The following UNC5D variants were observed in gnomAD, a reference collection of about 807,000 sequenced individuals.
The protein encoded by UNC5D is netrin receptor UNC5D.
Under a neutral mutation model 105.4 loss-of-function variants are expected in UNC5D, and 39 were observed. The observed-to-expected ratio is 0.37, with a 90% CI of 0.29 to 0.48. The LOEUF (loss-of-function observed/expected upper bound fraction) is 0.48, where lower values mean the gene tolerates loss of function less well. Among genes scored for constraint, UNC5D ranks in the 20% least tolerant of loss-of-function variants. UNC5D has a pLI of 0.98. For missense variants in UNC5D, 991 were observed against 1,202.4 expected (o/e 0.82, Z 2.60); for synonymous variants, 452 against 450.4 (o/e 1.00, Z -0.04).
At chr8:35,388,936 G>T (rs1045168991) in intron 1 of UNC5D, among the ~76,000 whole-genome samples, 16 of 152,154 alleles carry the variant, frequency 1.1e-4, no homozygotes, top group African/African-American at 3.9e-4. Flanking sequence ...AAAGCCTAAG[G>T]TTTCCTAGTG....
intron 1 of UNC5D, among the ~76,000 whole-genome samples, chr8:35,510,709 C>T (rs1049465463): frequency 5.9e-5 from 9 of 152,050 alleles, no homozygotes; most frequent in African/African-American, 1.7e-4. Flanking sequence ...TCTATAAGTT[C>T]GAGTCAATCC....
chr8:35,704,257 A>G (rs1827391410), intron 7 of UNC5D, among the ~76,000 whole-genome samples: 1 of 152,146 alleles, frequency 6.6e-6, no homozygotes, highest in Non-Finnish European at 1.5e-5. Context: ...TCCACAACAA[A>G]TCAGATGGCA....
chr8:35,598,155 A>G (rs1046450509), intron 4 of UNC5D, among the ~76,000 whole-genome samples: 9 of 152,238 alleles, frequency 5.9e-5, no homozygotes, highest in African/African-American at 1.4e-4. Flanking sequence ...AAATGTTGCA[A>G]ATATTTGCTT....
intron 4 of UNC5D, among the ~76,000 whole-genome samples, chr8:35,613,683 T>C (rs889094176): frequency 9.2e-5 from 14 of 152,030 alleles, no homozygotes; most frequent in African/African-American, 3.1e-4. Context: ...ACCCCATCTG[T>C]ACTAAAAATA....
chr8:35,719,870 T>C (rs918895690), intron 8 of UNC5D, among the ~76,000 whole-genome samples: 2 of 152,202 alleles, frequency 1.3e-5, no homozygotes, highest in African/African-American at 4.8e-5. Flanking sequence ...ACTGGCTTTC[T>C]TTCCCTACCC....
At chr8:35,593,046 T>TACACACACAC (rs200962371) in intron 3 of UNC5D, among the ~76,000 whole-genome samples, 138 of 141,224 alleles carry the variant, frequency 9.8e-4, no homozygotes, top group African/African-American at 2.7e-3. Flanking sequence ...GTAGTTTTTA[T>TACACACACAC]ACACACACAC....
chr8:35,235,866 G>A lies in UNC5D; in HGVS notation c.82G>A (p.Ala28Thr). Residue 28 changes from alanine (A) to threonine (T), a missense_variant, in exon 1 of 17, where the codon GCA becomes ACA. Physicochemically the swap from Ala to Thr is moderately conservative, Grantham distance 58. Coordinates refer to ENST00000404895, the MANE Select transcript of UNC5D (RefSeq NM_080872.4). ...GTGGCTGGGGCTGTGCTTCTGGGCG[G>A]CAGGGACCGCGGCTGCCCGAGGTAA... Reference protein sequence around the residue: ...LPWLGLCFWAAGTAAARGTDN... With the variant: ...LPWLGLCFWATGTAAARGTDN... 1 of 1,229,750 alleles carries A rather than the reference G, an allele frequency of 8.1e-7. No individual in the cohort carries two copies. 76.2% of individuals were successfully genotyped at this position (1,229,750 alleles called of 1,614,324 possible).
chr8:35,330,955 T>C (rs965555665), intron 1 of UNC5D, among the ~76,000 whole-genome samples: 6 of 152,216 alleles, frequency 3.9e-5, no homozygotes, highest in Admixed American at 2.0e-4. Flanking sequence ...TGCAGCCTCA[T>C]TTCCTTTCTT....
intron 2 of UNC5D, among the ~76,000 whole-genome samples, chr8:35,562,817 C>A (rs1475056231): frequency 3.0e-4 from 46 of 151,878 alleles, no homozygotes; most frequent in Non-Finnish European, 2.9e-5. Flanking sequence ...TTGATGTAAT[C>A]CTATTTGTCT....
intron 1 of UNC5D, among the ~76,000 whole-genome samples, chr8:35,251,081 C>T (rs200566953): frequency 5.3e-5 from 8 of 152,152 alleles, no homozygotes; most frequent in African/African-American, 9.6e-5. Context: ...TGAAGATGAC[C>T]GCCAATGGTT....
At chr8:35,258,007 A>T (rs1408089456) in intron 1 of UNC5D, among the ~76,000 whole-genome samples, 1 of 152,206 alleles carries the variant, frequency 6.6e-6, no homozygotes, top group Non-Finnish European at 1.5e-5. Context: ...CTATAACAAA[A>T]TGCCTTAGAC....
At chr8:35,311,929 A>G (rs1304215551) in intron 1 of UNC5D, among the ~76,000 whole-genome samples, 1 of 152,140 alleles carries the variant, frequency 6.6e-6, no homozygotes, top group African/African-American at 2.4e-5. Flanking sequence ...TTGGCATAAT[A>G]TATTTCCATC....
chr8:35,775,929 A>T (rs1199669088), intron 16 of UNC5D, among the ~76,000 whole-genome samples: 1 of 152,234 alleles, frequency 6.6e-6, no homozygotes, highest in African/African-American at 2.4e-5. Flanking sequence ...CATATATTGA[A>T]AATGAAAGAA....
intron 3 of UNC5D, among the ~76,000 whole-genome samples, chr8:35,582,103 A>C (rs901189753): frequency 6.6e-6 from 1 of 152,180 alleles, no homozygotes; most frequent in Admixed American, 6.5e-5. Flanking sequence ...TGCTATTCCT[A>C]TGGTTGAACA....
At chr8:35,328,017 A>G (rs1448758335) in intron 1 of UNC5D, among the ~76,000 whole-genome samples, 1 of 152,150 alleles carries the variant, frequency 6.6e-6, no homozygotes. Context: ...TTTCGTGGAC[A>G]TTTCCACTAT....
chr8:35,266,157 C>T (rs144309183), intron 1 of UNC5D, among the ~76,000 whole-genome samples: 1 of 152,064 alleles, frequency 6.6e-6, no homozygotes, highest in Non-Finnish European at 1.5e-5. Context: ...GTAAGTTGAC[C>T]ACCTTTCACT....
intron 4 of UNC5D, among the ~76,000 whole-genome samples, chr8:35,675,920 A>G (rs1334375950): frequency 6.6e-6 from 1 of 151,712 alleles, no homozygotes; most frequent in Non-Finnish European, 1.5e-5. Flanking sequence ...TACATACTAG[A>G]TGTCTTTAAT....
chr8:35,555,457 A>G (rs945929379), intron 2 of UNC5D, among the ~76,000 whole-genome samples: 1 of 152,214 alleles, frequency 6.6e-6, no homozygotes, highest in Admixed American at 6.5e-5. Context: ...GATATCGACC[A>G]TACATCTGTC....
At chr8:35,585,596 C>T (rs1818741525) in intron 3 of UNC5D, among the ~76,000 whole-genome samples, 1 of 151,182 alleles carries the variant, frequency 6.6e-6, no homozygotes, top group Non-Finnish European at 1.5e-5. Context: ...TGGCAATAAA[C>T]AGAACCAATG....
Sources: allele counts gnomAD v4.1 joint callset (sites outside exome capture counted in the v4.1 genomes callset), GRCh38; gene constraint gnomAD v4.1.1; transcripts MANE v1.5; gene names NCBI Gene and HGNC (gene_info 2026-07-23, HGNC 2026-07-21).